The following FCF1 variants were observed in gnomAD, a reference collection of about 807,000 sequenced individuals.
FCF1 encodes FCF1 rRNA-processing protein, also known as rRNA-processing protein FCF1 homolog.
A neutral mutation model predicts 32.5 loss-of-function variants in FCF1; 17 were observed. The ratio of observed to expected loss-of-function variants is 0.52; its 90% CI spans 0.36 to 0.78. The LOEUF (loss-of-function observed/expected upper bound fraction) is 0.78. Ranked by LOEUF, FCF1 falls within the 30% of genes least tolerant of loss-of-function variation. The pLI is 0.00. For missense variants in FCF1, 201 were observed against 241.1 expected, an observed-to-expected ratio of 0.83 and a Z score of 1.10; for synonymous variants, 84 against 78.4, an observed-to-expected ratio of 1.07 and a Z score of -0.38.
chr14:74,731,564 A>G (rs1253718801), intron 5 of FCF1, among the ~76,000 whole-genome samples: 1 of 151,446 alleles, frequency 6.6e-6, no homozygotes, highest in Non-Finnish European at 1.5e-5. Context: ...GGCATTGGAG[A>G]CTCTTTCTAG....
rs1333172701 is a variant in FCF1 at position 74,736,885 on chromosome 14, T to C, written c.*1955T>C. 6.6e-6 allele frequency: 1 copy of C among 152,092 alleles called. No homozygotes were observed. Among genetic ancestry groups the C allele is most frequent in the East Asian group, 1.9e-4 (1 of 5,190 alleles). The allele number at this position is 152,092 out of a possible 1,614,324, so 9.4% of individuals were successfully genotyped here. A position where few individuals can be genotyped will look rare whatever the true frequency, so the allele number is the denominator to read the frequency against. On this transcript the variant is annotated 3_prime_UTR_variant, in exon 8 of 8. Transcript: ENST00000341162. Reference sequence around the variant, plus strand: ...ATGTAAATGAATAAATGCCGTAAAATAGCAGTGCTAGGGTAAAAGTTTCAG... The same window carrying C: ...ATGTAAATGAATAAATGCCGTAAAACAGCAGTGCTAGGGTAAAAGTTTCAG...
chr14:74,718,670 C>T (rs966227090), intron 4 of FCF1, among the ~76,000 whole-genome samples: 22 of 152,022 alleles, frequency 1.4e-4, no homozygotes, highest in African/African-American at 5.3e-4. Context: ...CGGGGTTTCT[C>T]TATGTTGGCC....
In FCF1 at chr14:74,734,086, A is replaced by C. The variant is rs1594793642; in HGVS notation, c.464A>C (p.Tyr155Ser). The C allele has an allele frequency of 6.2e-7, 1 of 1,612,118 alleles. No homozygotes were observed. Among genetic ancestry groups the C allele is most frequent in the Non-Finnish European group, 8.5e-7 (1 of 1,178,204 alleles). ...LVQRVTQHKC[Y>S]IVATVDRDLK... ...CCATGTCTCTTACAGCATAAGTGTTACATTGTGGCCACAGTTGACCGGGAC... is the reference window on the plus strand; with the variant it reads ...CCATGTCTCTTACAGCATAAGTGTTCCATTGTGGCCACAGTTGACCGGGAC... The change falls in exon 7 of 8, where the codon TAC (tyrosine) becomes TCC (serine). Residue 155 changes from tyrosine (Y) to serine (S), a missense_variant. This residue lies in a region of FCF1 where 121 missense variants were observed against 147.8 expected (regional missense o/e 0.82). Transcript: ENST00000341162.
intron 5 of FCF1, among the ~76,000 whole-genome samples, chr14:74,730,726 G>A (rs1486749283): frequency 6.6e-6 from 1 of 152,162 alleles, no homozygotes; most frequent in South Asian, 2.1e-4. Context: ...AAGGCTGGGT[G>A]CAGTGGCTAA....
intron 5 of FCF1, among the ~76,000 whole-genome samples, chr14:74,725,006 A>G (rs997871567): frequency 1.3e-5 from 2 of 151,974 alleles, no homozygotes; most frequent in Admixed American, 1.3e-4. Flanking sequence ...GTGTATATGT[A>G]TATGTGGTAT....
chr14:74,720,408 A>G (rs902950086), intron 4 of FCF1, among the ~76,000 whole-genome samples: 1 of 152,212 alleles, frequency 6.6e-6, no homozygotes, highest in Non-Finnish European at 1.5e-5. Context: ...TTCTGTTTCT[A>G]TAAATTTCCC....
chr14:74,721,745 A>G (rs754750360), intron 4 of FCF1, among the ~76,000 whole-genome samples: 35 of 152,202 alleles, frequency 2.3e-4, no homozygotes, highest in Non-Finnish European at 4.0e-4. Context: ...GGCTAAGATC[A>G]GGTGTAAAGT....
intron 5 of FCF1, among the ~76,000 whole-genome samples, chr14:74,730,585 G>C (rs1255671532): frequency 6.6e-6 from 1 of 152,004 alleles, no homozygotes; most frequent in Non-Finnish European, 1.5e-5. Flanking sequence ...GTGGTGGCAG[G>C]CACCTATAAT....
At chr14:74,725,767 T>C (rs1405562101) in intron 5 of FCF1, among the ~76,000 whole-genome samples, 1 of 151,836 alleles carries the variant, frequency 6.6e-6, no homozygotes, top group Admixed American at 6.6e-5. Flanking sequence ...ACCCTGTCTC[T>C]ACTAAAAATA....
At chr14:74,732,847 G>A (rs757295569) in intron 6 of FCF1, 29 bp downstream of exon 6, 9 of 1,351,650 alleles carry the variant, frequency 6.7e-6, no homozygotes, top group East Asian at 2.3e-5. Context: ...TGTTTACTTT[G>A]TGCTTAAAAA....
Position 74,717,349 on chromosome 14 carries a change from T to TA in FCF1, c.292+1262dup, listed in dbSNP as rs904512361. Reference sequence around the variant, plus strand: ...CCAGCCTGGCAAGAGAAACTCCATCTAAAAAAAAAAAAGAATGGCTGCATA... The same window carrying TA: ...CCAGCCTGGCAAGAGAAACTCCATCTAAAAAAAAAAAAAGAATGGCTGCATA... On this transcript the variant is annotated intron_variant, in intron 4 of 7. Transcript: ENST00000341162. Among the ~76,000 whole-genome samples the TA allele has an allele frequency of 4.6e-3, 638 of 139,428 alleles. 4 individuals carry two copies. The highest frequency in any genetic ancestry group is 0.014 in the African/African-American group (547 of 37,894). The allele number at this position is 139,428 out of a possible 152,430, so 91.5% of individuals were successfully genotyped here.
At chr14:74,722,047 C>CTTTTTTTTTT (rs59367492) in intron 4 of FCF1, among the ~76,000 whole-genome samples, 1 of 121,388 alleles carries the variant, frequency 8.2e-6, no homozygotes, top group African/African-American at 3.1e-5. Flanking sequence ...TGGGTATTTT[C>CTTTTTTTTTT]TTTTTTTTTT....
chr14:74,716,893 A>C (rs755529452), intron 4 of FCF1, among the ~76,000 whole-genome samples: 1 of 152,234 alleles, frequency 6.6e-6, no homozygotes, highest in Non-Finnish European at 1.5e-5. Flanking sequence ...AAAGGCTACT[A>C]TATAATGAAC....
Position 74,734,176 on chromosome 14 carries a change from A to T in FCF1, c.548+6A>T. On this transcript the variant is annotated splice_donor_region_variant and intron_variant, in intron 7 of 7. Transcript: ENST00000341162. ...ATGTACATTTCTAACCATAGGTGAG[A>T]AATTTCCCTTGGAGAAGGGAATAGA... 6.4e-7 allele frequency: 1 copy of T among 1,568,100 alleles called. No homozygotes were observed. Among genetic ancestry groups the T allele is most frequent in the Non-Finnish European group, 8.8e-7 (1 of 1,138,492 alleles).
chr14:74,733,006 T>A (rs1041408390), intron 6 of FCF1, among the ~76,000 whole-genome samples, 188 bp downstream of exon 6: 1 of 152,124 alleles, frequency 6.6e-6, no homozygotes, highest in African/African-American at 2.4e-5. Context: ...GGATTGAAAA[T>A]GTACACTCTA....
intron 4 of FCF1, among the ~76,000 whole-genome samples, chr14:74,717,051 G>A (rs373458300): frequency 1.2e-4 from 19 of 152,116 alleles, no homozygotes; most frequent in African/African-American, 3.9e-4. Context: ...GGCTGCAGCC[G>A]GGCGCAGTGG....
intron 5 of FCF1, among the ~76,000 whole-genome samples, chr14:74,731,679 A>G (rs1031110738): frequency 2.0e-5 from 3 of 152,152 alleles, no homozygotes; most frequent in African/African-American, 4.8e-5. Context: ...CTGGTGTCCT[A>G]TTTGGTACCC....
At chr14:74,729,639 T>C (rs1252061035) in intron 5 of FCF1, among the ~76,000 whole-genome samples, 1 of 152,224 alleles carries the variant, frequency 6.6e-6, no homozygotes, top group Non-Finnish European at 1.5e-5. Context: ...TCTTGACTTC[T>C]GCTAGCTTTT....
intron 5 of FCF1, among the ~76,000 whole-genome samples, chr14:74,732,525 A>G (rs1418707125): frequency 6.6e-6 from 1 of 152,190 alleles, no homozygotes; most frequent in Non-Finnish European, 1.5e-5. Flanking sequence ...AATAACTCAA[A>G]GTTTTGTAAT....
Sources: gnomAD v4.1 joint callset for allele counts (sites outside exome capture counted in the v4.1 genomes callset) on GRCh38, gnomAD v4.1.1 for gene constraint, gnomAD v4.1.1 regional missense constraint, MANE v1.5 for transcripts, NCBI Gene and HGNC (gene_info 2026-07-23, HGNC 2026-07-21) for gene names.